DGKB: variants seen among roughly 807,000 people sequenced by gnomAD.
DGKB encodes the protein diacylglycerol kinase beta, also known as 90 kDa diacylglycerol kinase.
Under a neutral mutation model 114.3 loss-of-function variants are expected in DGKB, and 67 were observed. The observed-to-expected ratio is 0.59, with a 90% CI of 0.48 to 0.72. The LOEUF is 0.72. DGKB is among the 30% of genes least tolerant of loss of function. DGKB has a pLI of 0.00. For synonymous variants in DGKB, 398 were observed against 323.1 expected (o/e 1.23, Z -2.49); for missense variants, 907 against 975.2 (o/e 0.93, Z 0.93).
At chr7:14,855,668 C>T (rs1440874939) in intron 1 of DGKB, among the ~76,000 whole-genome samples, 2 of 151,984 alleles carry the variant, frequency 1.3e-5, no homozygotes, top group Non-Finnish European at 2.9e-5. Context: ...CTTTACTTAC[C>T]AAAAATTCTT....
At chr7:14,170,500 A>C (rs1780833474) in intron 25 of DGKB, among the ~76,000 whole-genome samples, 1 of 152,172 alleles carries the variant, frequency 6.6e-6, no homozygotes, top group South Asian at 2.1e-4. Flanking sequence ...GTTTCCTCCA[A>C]ATATCTCCAG....
intron 8 of DGKB, 84 bp downstream of exon 8, chr7:14,698,009 GAA>G: frequency 4.1e-6 from 3 of 736,600 alleles, no homozygotes; most frequent in Non-Finnish European, 6.9e-6. Flanking sequence ...AAGAAAGAAA[GAA>G]AGAAAGAGAA....
At chr7:14,313,530 CG>C (rs1805820193) in intron 23 of DGKB, among the ~76,000 whole-genome samples, 1 of 152,062 alleles carries the variant, frequency 6.6e-6, no homozygotes, top group South Asian at 2.1e-4. Flanking sequence ...CCTGGAAAAT[CG>C]GGAAAATCGG....
intron 21 of DGKB, among the ~76,000 whole-genome samples, chr7:14,361,332 GAAAT>G (rs1815699392): frequency 6.6e-6 from 1 of 151,996 alleles, no homozygotes; most frequent in Admixed American, 6.6e-5. Context: ...AAAATGATAA[GAAAT>G]AAGAATCGGG....
intron 21 of DGKB, among the ~76,000 whole-genome samples, chr7:14,406,749 T>C (rs1249686154): frequency 1.3e-5 from 2 of 152,096 alleles, no homozygotes; most frequent in Non-Finnish European, 2.9e-5. Context: ...TGTTGAACAA[T>C]TTATTTGTAC....
In DGKB at chr7:14,645,740, A is replaced by C. The variant is rs999774188; in HGVS notation, c.1135-15472T>G. Among the ~76,000 whole-genome samples the C allele has an allele frequency of 3.9e-5, 6 of 152,252 alleles. No individual in the cohort carries two copies. The South Asian group carries it at 8.3e-4, about 21-fold the overall frequency. ...GTCAGCCAAGAATACAATACCCAGCAAAGCTATCTTAAAGAAATAAAGAGT... is the reference window on the plus strand; with the variant it reads ...GTCAGCCAAGAATACAATACCCAGCCAAGCTATCTTAAAGAAATAAAGAGT... On this transcript the variant is annotated intron_variant, in intron 13 of 25. Coordinates refer to ENST00000402815, the MANE Select transcript of DGKB (RefSeq NM_001350709.2).
chr7:14,652,671 G>A (rs1814816511), intron 13 of DGKB, among the ~76,000 whole-genome samples: 1 of 148,966 alleles, frequency 6.7e-6, no homozygotes, highest in Non-Finnish European at 1.5e-5. Flanking sequence ...AAAGTAAAGA[G>A]CTTCTGCACA....
At chr7:14,944,068 T>C (rs67957832) in intron 1 of DGKB, among the ~76,000 whole-genome samples, 19,079 of 151,856 alleles carry the variant, frequency 0.13, 1,304 homozygotes, top group Admixed American at 0.19. Context: ...CCCATTGTTA[T>C]AATAATATTT....
At chr7:14,306,416 G>A (rs974730610) in intron 23 of DGKB, among the ~76,000 whole-genome samples, 1 of 152,052 alleles carries the variant, frequency 6.6e-6, no homozygotes, top group Non-Finnish European at 1.5e-5. Flanking sequence ...ACAAGAGCCA[G>A]CTGGGGTTTT....
chr7:14,624,844 A>G (rs540456157), intron 14 of DGKB, among the ~76,000 whole-genome samples: 9 of 152,004 alleles, frequency 5.9e-5, no homozygotes, highest in Non-Finnish European at 1.2e-4. Flanking sequence ...CTAAAAACGC[A>G]AAAATATAGT....
At position 14,754,944 on chromosome 7, in the gene DGKB, G is replaced by C. The variant is rs115016068; in HGVS notation, c.148-996C>G. Among the ~76,000 whole-genome samples, 363 of 152,180 alleles carry C rather than the reference G, an allele frequency of 2.4e-3. 1 individual carries two copies. Among genetic ancestry groups the C allele is most frequent in the African/African-American group, 8.4e-3 (347 of 41,506 alleles). On this transcript the variant is annotated intron_variant, in intron 3 of 25. Transcript: ENST00000402815. ...TGGTCAATGAAGTGAAGAGCACAGG[G>C]CATTAGCCTTAAACTGGGATTCTAG...
intron 17 of DGKB, among the ~76,000 whole-genome samples, chr7:14,603,872 G>A (rs572478386): frequency 6.6e-6 from 1 of 152,194 alleles, no homozygotes; most frequent in South Asian, 2.1e-4. Flanking sequence ...TAAACCATCT[G>A]TATTTTCATG....
Position 14,706,474 on chromosome 7 carries a change from C to T in DGKB, c.467-4744G>A, listed in dbSNP as rs60200980. The stretch of plus-strand genomic sequence containing the variant: ...CTCTGCACCAAGAGGACCTAATACA[C>T]ATCTACAGAACTCTCCACCCCAAAT... On this transcript the variant is annotated intron_variant, in intron 6 of 25. Transcript: ENST00000402815. Among the ~76,000 whole-genome samples the T allele has an allele frequency of 4.8e-3, 728 of 150,724 alleles. 5 individuals are homozygous for T. The highest frequency in any genetic ancestry group is 0.017 in the African/African-American group (681 of 41,078).
intron 2 of DGKB, among the ~76,000 whole-genome samples, chr7:14,769,123 A>AAGAGAG (rs756712026): frequency 3.4e-5 from 3 of 89,146 alleles, no homozygotes; most frequent in African/African-American, 6.2e-5. Flanking sequence ...GAAAGAAAGA[A>AAGAGAG]AGAGAGAGAG....
chr7:14,247,223 G>A (rs1794613882), intron 23 of DGKB, among the ~76,000 whole-genome samples: 1 of 151,106 alleles, frequency 6.6e-6, no homozygotes, highest in Non-Finnish European at 1.5e-5. Context: ...GTGTTAATGT[G>A]TGCATGTAGC....
intron 21 of DGKB, among the ~76,000 whole-genome samples, chr7:14,388,412 G>A (rs932149023): frequency 5.4e-5 from 8 of 147,960 alleles, no homozygotes; most frequent in African/African-American, 1.5e-4. Flanking sequence ...GTATGTAGAT[G>A]TGTGTTTGTA....
chr7:14,843,159 G>C (rs1176349223), intron 1 of DGKB, among the ~76,000 whole-genome samples: 1 of 151,282 alleles, frequency 6.6e-6, no homozygotes, highest in African/African-American at 2.4e-5. Flanking sequence ...TGAGGCTGCA[G>C]TGAGCTGTGA....
chr7:14,704,010 A>G (rs1825686074), intron 6 of DGKB, among the ~76,000 whole-genome samples: 1 of 152,122 alleles, frequency 6.6e-6, no homozygotes, highest in Non-Finnish European at 1.5e-5. Context: ...AAATCGAAAA[A>G]TAGAATTCTT....
chr7:14,928,038 C>T (rs1306088812), intron 1 of DGKB, among the ~76,000 whole-genome samples: 4 of 151,752 alleles, frequency 2.6e-5, no homozygotes. Flanking sequence ...AGAAGTGTAA[C>T]TAATGAAATA....
Sources: allele counts gnomAD v4.1 joint callset (sites outside exome capture counted in the v4.1 genomes callset), GRCh38; gene constraint gnomAD v4.1.1; transcripts MANE v1.5; gene names NCBI Gene and HGNC (gene_info 2026-07-23, HGNC 2026-07-21).